CSMD1: variants seen among roughly 807,000 people sequenced by gnomAD.
The protein encoded by CSMD1 is CUB and Sushi multiple domains 1.
A neutral mutation model predicts 417.5 loss-of-function variants in CSMD1; 213 were observed. The observed-to-expected ratio is 0.51, with a 90% CI of 0.46 to 0.57. CSMD1 has a LOEUF of 0.57. Among genes scored for constraint, CSMD1 ranks in the 20% least tolerant of loss-of-function variants. CSMD1 has a pLI of 0.00. For synonymous variants in CSMD1, 2,862 were observed against 1,736.8 expected (o/e 1.65, Z -16.11); for missense variants, 6,923 against 4,529.7 (o/e 1.53, Z -15.17).
intron 5 of CSMD1, among the ~76,000 whole-genome samples, chr8:3,771,295 G>A (rs1485810007): frequency 6.6e-6 from 1 of 152,144 alleles, no homozygotes; most frequent in Non-Finnish European, 1.5e-5. Context: ...ACCTGCTGGT[G>A]CTTCTGGAAG....
At chr8:3,188,044 T>G in intron 35 of CSMD1, 79 bp from the exon 36 acceptor site, 2 of 920,360 alleles carry the variant, frequency 2.2e-6, no homozygotes, top group Non-Finnish European at 3.4e-6. Context: ...TTTGGGGTTT[T>G]TCATGATTAA....
At chr8:3,424,528 A>G (rs571514891) in intron 12 of CSMD1, among the ~76,000 whole-genome samples, 1 of 152,352 alleles carries the variant, frequency 6.6e-6, no homozygotes, top group South Asian at 2.1e-4. Context: ...TTAAAAAATT[A>G]CTTGGCTATT....
At position 3,709,680 on chromosome 8, in the gene CSMD1, GTTTTT is replaced by G. The variant is rs56272726; in HGVS notation, c.932-1194_932-1190del. On this transcript the variant is annotated intron_variant, in intron 6 of 69. Transcript: ENST00000635120. The stretch of plus-strand genomic sequence containing the variant: ...GATGGGCTTTAAATTGCAGCAGCAT[GTTTTT>G]TTTTTTTTTTTTTTTTTTTTTTTTC... Among the ~76,000 whole-genome samples, 91 of 33,694 alleles carry G rather than the reference GTTTTT, an allele frequency of 2.7e-3. 1 individual carries two copies. Among genetic ancestry groups the G allele is most frequent in the East Asian group, 0.021 (14 of 676 alleles). The allele number at this position is 33,694 out of a possible 152,430, so 22.1% of individuals were successfully genotyped here.
At chr8:3,865,302 T>G (rs1422661282) in intron 5 of CSMD1, among the ~76,000 whole-genome samples, 8 of 152,212 alleles carry the variant, frequency 5.3e-5, no homozygotes, top group Non-Finnish European at 1.2e-4. Context: ...TACTTCAATG[T>G]GACATACGCA....
At chr8:4,358,402 G>C (rs1312449086) in intron 3 of CSMD1, among the ~76,000 whole-genome samples, 2 of 152,060 alleles carry the variant, frequency 1.3e-5, no homozygotes, top group African/African-American at 4.8e-5. Flanking sequence ...ACTGTTTCGT[G>C]ACACGTGAAA....
intron 2 of CSMD1, among the ~76,000 whole-genome samples, chr8:4,488,544 G>T (rs1332548440): frequency 6.6e-6 from 1 of 151,988 alleles, no homozygotes; most frequent in African/African-American, 2.4e-5. Flanking sequence ...TTAAACTGGT[G>T]GAGTCGGCAG....
chr8:3,355,513 T>A (rs1488932608), intron 21 of CSMD1, among the ~76,000 whole-genome samples: 3 of 152,158 alleles, frequency 2.0e-5, no homozygotes, highest in African/African-American at 7.2e-5. Context: ...TGCTCAGGAA[T>A]AGGCATGGGA....
chr8:3,731,357 A>C (rs1796244503), intron 6 of CSMD1, among the ~76,000 whole-genome samples: 1 of 152,182 alleles, frequency 6.6e-6, no homozygotes, highest in Non-Finnish European at 1.5e-5. Flanking sequence ...ATTTCATTTT[A>C]GTGGAAGTTC....
At chr8:3,313,967 G>C (rs1478755648) in intron 23 of CSMD1, among the ~76,000 whole-genome samples, 1 of 152,134 alleles carries the variant, frequency 6.6e-6, no homozygotes, top group African/African-American at 2.4e-5. Context: ...CATGTCCTTT[G>C]TAGGGACATG....
At chr8:4,228,230 T>C (rs1319049683) in intron 3 of CSMD1, among the ~76,000 whole-genome samples, 1 of 152,198 alleles carries the variant, frequency 6.6e-6, no homozygotes. Flanking sequence ...TTCCCTTCAC[T>C]GTAAAAATAT....
In CSMD1 at chr8:4,197,980, G is replaced by A. The variant is rs144020632; in HGVS notation, c.416-165881C>T. On this transcript the variant is annotated intron_variant, in intron 3 of 69. Transcript: ENST00000635120. Reference sequence around the variant, plus strand: ...TCATTGGCTTGACTCTGGGAATAAAGTAATGAATAAAACATGCTATCTTTC... The same window carrying A: ...TCATTGGCTTGACTCTGGGAATAAAATAATGAATAAAACATGCTATCTTTC... 1.8e-3 allele frequency among the ~76,000 whole-genome samples: 278 copies of A among 152,296 alleles called. 2 individuals carry two copies. The highest frequency in any genetic ancestry group is 3.1e-4 in the Non-Finnish European group (21 of 68,030).
chr8:3,110,253 G>C lies in CSMD1; in HGVS notation c.6513C>G (p.Asp2171Glu), dbSNP rs754857335. Residue 2171 changes from aspartate (D) to glutamate (E), a missense_variant, in exon 43 of 70, where the codon GAC becomes GAG. Physicochemically the swap from Asp to Glu is conservative, Grantham distance 45. Coordinates refer to ENST00000635120, the MANE Select transcript of CSMD1 (RefSeq NM_033225.6). The stretch of plus-strand genomic sequence containing the variant: ...GAGGCACCGTGATGAGCCAAATGCA[G>C]TCCTTCAGGATCGGATACTCATCAG... ...GFPDEYPILK[D>E]CIWLITVPPG... is the part of the protein sequence containing the mutation. 2 of 1,613,378 alleles carry C rather than the reference G, an allele frequency of 1.2e-6. No individual in the cohort carries two copies. The highest frequency in any genetic ancestry group is 1.7e-6 in the Non-Finnish European group (2 of 1,179,686).
At chr8:4,688,207 T>A (rs866447796) in intron 1 of CSMD1, among the ~76,000 whole-genome samples, 8 of 152,166 alleles carry the variant, frequency 5.3e-5, no homozygotes, top group African/African-American at 1.7e-4. Context: ...TCTTTGGGTT[T>A]TAAATATCAA....
chr8:2,960,962 A>C (rs1227504589), intron 62 of CSMD1, among the ~76,000 whole-genome samples, 179 bp downstream of exon 62: 1 of 116,614 alleles, frequency 8.6e-6, no homozygotes, highest in Non-Finnish European at 1.7e-5. Flanking sequence ...ATATATATAT[A>C]TATACATATA....
At chr8:3,825,702 G>A (rs1395897685) in intron 5 of CSMD1, among the ~76,000 whole-genome samples, 2 of 152,156 alleles carry the variant, frequency 1.3e-5, no homozygotes, top group Non-Finnish European at 2.9e-5. Flanking sequence ...CAAAGACATA[G>A]TAGCTAGCTA....
intron 2 of CSMD1, among the ~76,000 whole-genome samples, chr8:4,524,126 A>G (rs1462428482): frequency 6.6e-6 from 1 of 152,166 alleles, no homozygotes; most frequent in South Asian, 2.1e-4. Context: ...GCATTGAATT[A>G]AAAAGGAAAT....
rs146382029 is a variant in CSMD1 at position 4,910,504 on chromosome 8, C to T, written c.85+83828G>A. On this transcript the variant is annotated intron_variant, in intron 1 of 69. Coordinates refer to ENST00000635120, the MANE Select transcript of CSMD1 (RefSeq NM_033225.6). Reference sequence around the variant, plus strand: ...GCCTGGTTTCTAGAAGGCACCTTCCCGCTGTGTTTTCCCATGGTAAAAACG... The same window carrying T: ...GCCTGGTTTCTAGAAGGCACCTTCCTGCTGTGTTTTCCCATGGTAAAAACG... Among the ~76,000 whole-genome samples, 170 of 152,292 alleles carry T rather than the reference C, an allele frequency of 1.1e-3. 2 individuals are homozygous for T. In the East Asian group the frequency reaches 0.012, roughly 11 times the overall value.
intron 2 of CSMD1, among the ~76,000 whole-genome samples, chr8:4,483,207 A>C (rs1358066084): frequency 2.0e-5 from 3 of 152,140 alleles, no homozygotes; most frequent in African/African-American, 7.2e-5. Flanking sequence ...TCTTGCCACC[A>C]CCAAGTGAGA....
intron 1 of CSMD1, among the ~76,000 whole-genome samples, chr8:4,662,874 G>C (rs1269441140): frequency 2.0e-5 from 3 of 152,162 alleles, no homozygotes; most frequent in Admixed American, 6.5e-5. Context: ...GCGGGTGACA[G>C]TGTTTATTCC....
Sources: allele counts gnomAD v4.1 joint callset (sites outside exome capture counted in the v4.1 genomes callset), GRCh38; gene constraint gnomAD v4.1.1; transcripts MANE v1.5; gene names NCBI Gene and HGNC (gene_info 2026-07-23, HGNC 2026-07-21).